The following PALS2 variants were observed in gnomAD, a reference collection of about 807,000 sequenced individuals.
PALS2 encodes protein PALS2.
Under a neutral mutation model 61.6 loss-of-function variants are expected in PALS2, and 27 were observed. The ratio of observed to expected loss-of-function variants is 0.44; its 90% CI spans 0.32 to 0.60. The LOEUF (loss-of-function observed/expected upper bound fraction) is 0.60, where lower values mean the gene tolerates loss of function less well. PALS2 is among the 20% of genes least tolerant of loss of function. The pLI is 0.05. For missense variants in PALS2, 554 were observed against 639.4 expected, an observed-to-expected ratio of 0.87 and a Z score of 1.44; for synonymous variants, 236 against 218.6, an observed-to-expected ratio of 1.08 and a Z score of -0.70.
Position 24,573,453 on chromosome 7 carries a change from C to A in PALS2, c.-143C>A. On this transcript the variant is annotated 5_prime_UTR_variant, in exon 1 of 12. Transcript: ENST00000222644. This position sits in a 1 kb window ranked among gnomAD's most constrained non-coding sequence, Gnocchi z 5.3. ...GGGAGGCGGAGGGCAGTGAGAGACG[C>A]ATTTCCAGTTCTCAACTACGAGCCA... is the stretch of plus-strand genomic sequence containing the variant. 2.6e-6 allele frequency: 1 copy of A among 382,568 alleles called. No homozygotes were observed. The allele number at this position is 382,568 out of a possible 1,614,324, so 23.7% of individuals were successfully genotyped here. A position where few individuals can be genotyped will look rare whatever the true frequency, so the allele number is the denominator to read the frequency against.
rs901684474 is a variant in PALS2 at position 24,687,958 on chromosome 7, C to T, written c.*344C>T. 1 of 166,004 alleles carries T rather than the reference C, an allele frequency of 6.0e-6. No homozygotes were observed. Among genetic ancestry groups the T allele is most frequent in the Non-Finnish European group, 1.3e-5 (1 of 77,650 alleles). 10.3% of individuals were successfully genotyped at this position (166,004 alleles called of 1,614,324 possible). ...AAATCATTCACTCTAACATTGGTCT[C>T]ATATTTTCACTGTGATAATGAATAT... is the stretch of plus-strand genomic sequence containing the variant. On this transcript the variant is annotated 3_prime_UTR_variant, in exon 12 of 12. Coordinates refer to ENST00000222644, the MANE Select transcript of PALS2 (RefSeq NM_001303037.2). The surrounding 1 kb of genome is among the most constrained non-coding windows in gnomAD (Gnocchi z 4.5).
chr7:24,601,904 AAT>A (rs1462381102), intron 1 of PALS2, among the ~76,000 whole-genome samples: 1 of 152,104 alleles, frequency 6.6e-6, no homozygotes, highest in African/African-American at 2.4e-5. Flanking sequence ...AAAATATCTT[AAT>A]ATGAGTCCAT....
chr7:24,583,773 C>G (rs1782944073), intron 1 of PALS2, among the ~76,000 whole-genome samples: 1 of 151,812 alleles, frequency 6.6e-6, no homozygotes, highest in Non-Finnish European at 1.5e-5. Context: ...AACTTGTCAT[C>G]TAGCATTAGG....
At chr7:24,651,772 TAAG>T (rs1786164391) in intron 5 of PALS2, among the ~76,000 whole-genome samples, 1 of 152,222 alleles carries the variant, frequency 6.6e-6, no homozygotes, top group Non-Finnish European at 1.5e-5. Context: ...TTTTCTTACA[TAAG>T]ATACTGCCAG....
intron 9 of PALS2, among the ~76,000 whole-genome samples, chr7:24,670,688 C>A (rs1390041988): frequency 6.6e-6 from 1 of 152,106 alleles, no homozygotes. Flanking sequence ...ATCTCTGTAC[C>A]CATTTCCCAC....
chr7:24,630,318 C>T lies in PALS2; in HGVS notation c.117+6534C>T, dbSNP rs116892724. Among the ~76,000 whole-genome samples the T allele has an allele frequency of 5.1e-3, 774 of 151,968 alleles. 35 individuals are homozygous for T. In the East Asian group the frequency reaches 0.11, roughly 22 times the overall value. On this transcript the variant is annotated intron_variant, in intron 2 of 11. Transcript: ENST00000222644. ...ACACAGGGAGGGGAACATCACACAC[C>T]GATCCCTGTCGGGGGTTTGGGAGGC...
chr7:24,587,973 C>G (rs1349247088), intron 1 of PALS2, among the ~76,000 whole-genome samples: 2 of 152,116 alleles, frequency 1.3e-5, no homozygotes, highest in African/African-American at 4.8e-5. Context: ...CAGTTTTGCC[C>G]CCTAAGGGAC....
intron 5 of PALS2, among the ~76,000 whole-genome samples, chr7:24,657,460 CTA>C (rs1203348934): frequency 5.3e-5 from 8 of 152,118 alleles, no homozygotes; most frequent in Admixed American, 5.2e-4. Context: ...TTCCTAATAA[CTA>C]ATAATATTGA....
rs1436303443 is a variant in PALS2, at chr7:24,596,441, T to C, written c.-3+22848T>C. On this transcript the variant is annotated intron_variant, in intron 1 of 11. Transcript: ENST00000222644. The surrounding 1 kb of genome is among the most constrained non-coding windows in gnomAD (Gnocchi z 4.5). Reference sequence around the variant, plus strand: ...CCTATCAATGAAATTTATTCTAAAATTACATAGTTTTGGGATTCAAATTAG... The same window carrying C: ...CCTATCAATGAAATTTATTCTAAAACTACATAGTTTTGGGATTCAAATTAG... Among the ~76,000 whole-genome samples, 1 of 152,198 alleles carries C rather than the reference T, an allele frequency of 6.6e-6. No homozygotes were observed. The highest frequency in any genetic ancestry group is 2.4e-5 in the African/African-American group (1 of 41,450).
In PALS2 at chr7:24,667,204, A is replaced by G. The variant is rs141011693; in HGVS notation, c.952+1115A>G. On this transcript the variant is annotated intron_variant, in intron 8 of 11. Coordinates refer to ENST00000222644, the MANE Select transcript of PALS2 (RefSeq NM_001303037.2). ...AATCATCACTTTGGCCCTATTATTCATAAAATATATGCCCATAAGGCTTTT... is the reference window on the plus strand; with the variant it reads ...AATCATCACTTTGGCCCTATTATTCGTAAAATATATGCCCATAAGGCTTTT... Among the ~76,000 whole-genome samples, 61 of 152,316 alleles carry G rather than the reference A, an allele frequency of 4.0e-4. 1 individual carries two copies. The highest frequency in any genetic ancestry group is 3.4e-3 in the Middle Eastern group (1 of 294).
intron 11 of PALS2, among the ~76,000 whole-genome samples, chr7:24,684,205 T>C (rs1161883874): frequency 2.0e-5 from 3 of 152,098 alleles, no homozygotes; most frequent in Admixed American, 1.3e-4. Context: ...GTTCAAGCGA[T>C]TCTCCTGCCT....
At chr7:24,683,243 G>A (rs1047290598) in intron 11 of PALS2, among the ~76,000 whole-genome samples, 4 of 152,148 alleles carry the variant, frequency 2.6e-5, no homozygotes, top group African/African-American at 9.7e-5. Context: ...TCCTCATCAA[G>A]TAGTTGATTA....
rs778717002 is a variant in PALS2 at position 24,693,445 on chromosome 7, G to T, written c.*5831G>T. On this transcript the variant is annotated 3_prime_UTR_variant, in exon 12 of 12. Coordinates refer to ENST00000222644, the MANE Select transcript of PALS2 (RefSeq NM_001303037.2). ...CATCTGATGTAAAAACTCATCAGCT[G>T]TAAATTACCAACATTAAACCAGAAG... is the stretch of plus-strand genomic sequence containing the variant. 6.6e-6 allele frequency: 1 copy of T among 152,174 alleles called. No individual in the cohort carries two copies. 9.4% of individuals were successfully genotyped at this position (152,174 alleles called of 1,614,324 possible).
intron 2 of PALS2, among the ~76,000 whole-genome samples, chr7:24,631,921 T>C (rs887881681): frequency 2.6e-5 from 4 of 152,190 alleles, no homozygotes; most frequent in African/African-American, 4.8e-5. Context: ...AACATAACTT[T>C]TATATACACA....
At chr7:24,641,540 C>T (rs946520421) in intron 2 of PALS2, among the ~76,000 whole-genome samples, 176 bp from the exon 3 acceptor site, 2 of 151,918 alleles carry the variant, frequency 1.3e-5, no homozygotes, top group Non-Finnish European at 2.9e-5. Context: ...TATTATATTG[C>T]ATGATATACT....
At chr7:24,665,232 C>G (rs1427015071) in intron 6 of PALS2, among the ~76,000 whole-genome samples, 1 of 152,164 alleles carries the variant, frequency 6.6e-6, no homozygotes, top group African/African-American at 2.4e-5. Flanking sequence ...TTAAGGTTGA[C>G]AGTAAATATC....
At chr7:24,637,514 T>C (rs1785297563) in intron 2 of PALS2, among the ~76,000 whole-genome samples, 1 of 152,140 alleles carries the variant, frequency 6.6e-6, no homozygotes, top group Non-Finnish European at 1.5e-5. Flanking sequence ...GCCAAACTTA[T>C]TTCCCATTTA....
intron 3 of PALS2, among the ~76,000 whole-genome samples, chr7:24,646,637 G>A (rs966532868): frequency 3.3e-5 from 5 of 152,166 alleles, no homozygotes; most frequent in South Asian, 2.1e-4. Flanking sequence ...TTTCTGCCAG[G>A]TTTTGATATA....
chr7:24,627,629 T>G (rs1784804769), intron 2 of PALS2, among the ~76,000 whole-genome samples: 1 of 151,680 alleles, frequency 6.6e-6, no homozygotes, highest in South Asian at 2.1e-4. Context: ...GCCAGACTAG[T>G]AAAGAAGAAA....
Sources: allele counts gnomAD v4.1 joint callset (sites outside exome capture counted in the v4.1 genomes callset), GRCh38; gene constraint gnomAD v4.1.1; non-coding constraint Gnocchi (gnomAD v3.1); transcripts MANE v1.5; gene names NCBI Gene and HGNC (gene_info 2026-07-23, HGNC 2026-07-21).